Variants in TSHR observed in about 807,000 individuals in gnomAD.
The protein encoded by TSHR is thyrotropin receptor.
TSHR carries 51 observed loss-of-function variants against 64.1 expected under a neutral mutation model. The observed-to-expected ratio is 0.80, with a 90% confidence interval of 0.64 to 1.01. The LOEUF (loss-of-function observed/expected upper bound fraction) is 1.01, where lower values mean the gene tolerates loss of function less well. TSHR is among the 50% of genes least tolerant of loss of function. The pLI is 0.00. For synonymous variants in TSHR, 361 were observed against 361.9 expected, an observed-to-expected ratio of 1.00 and a Z score of 0.03; for missense variants, 877 against 942.8, an observed-to-expected ratio of 0.93 and a Z score of 0.91.
At chr14:81,071,081 G>T (rs914805115) in intron 3 of TSHR, among the ~76,000 whole-genome samples, 1 of 152,174 alleles carries the variant, frequency 6.6e-6, no homozygotes, top group Non-Finnish European at 1.5e-5. Context: ...TCATAAAATT[G>T]TGCAGACTGA....
chr14:81,017,898 C>T (rs917901045), intron 1 of TSHR, among the ~76,000 whole-genome samples: 4 of 148,558 alleles, frequency 2.7e-5, no homozygotes, highest in Admixed American at 6.7e-5. Flanking sequence ...GACATGATCT[C>T]GGCTCATTGC....
At chr14:81,128,454 T>C (rs1243139534) in intron 8 of TSHR, among the ~76,000 whole-genome samples, 5 of 152,234 alleles carry the variant, frequency 3.3e-5, no homozygotes, top group Admixed American at 3.3e-4. Flanking sequence ...AAGATTATTC[T>C]TGCACCTGTT....
At chr14:81,040,225 C>T (rs978812605) in intron 1 of TSHR, among the ~76,000 whole-genome samples, 1 of 151,530 alleles carries the variant, frequency 6.6e-6, no homozygotes. Flanking sequence ...AAAGAAGAGT[C>T]TCTTCAAAAA....
At chr14:81,108,584 G>A (rs753939060) in intron 8 of TSHR, 132 bp downstream of exon 8, 1 of 1,612,924 alleles carries the variant, frequency 6.2e-7, no homozygotes, top group Non-Finnish European at 8.5e-7. Context: ...AAAGGCTTCT[G>A]CAAGTCCCTC....
intron 3 of TSHR, among the ~76,000 whole-genome samples, chr14:81,081,690 T>C (rs1019431745): frequency 2.6e-5 from 4 of 152,262 alleles, no homozygotes; most frequent in South Asian, 4.1e-4. Context: ...ACCTATTTAT[T>C]AGTCTCAGGT....
chr14:81,041,450 T>C (rs578047337), intron 1 of TSHR, among the ~76,000 whole-genome samples: 3 of 152,202 alleles, frequency 2.0e-5, no homozygotes, highest in Admixed American at 2.0e-4. Flanking sequence ...TCCTCAGTTA[T>C]AAGTGGGAAC....
chr14:81,011,196 T>G (rs1889885549), intron 1 of TSHR, among the ~76,000 whole-genome samples: 1 of 149,108 alleles, frequency 6.7e-6, no homozygotes. Flanking sequence ...TCTTTTTCCT[T>G]CCCTTCCTTC....
intron 3 of TSHR, among the ~76,000 whole-genome samples, chr14:81,085,669 C>T (rs558923375): frequency 6.6e-6 from 1 of 152,186 alleles, no homozygotes; most frequent in Non-Finnish European, 1.5e-5. Context: ...CTGACGTTCT[C>T]TTAGACCACT....
chr14:81,139,722 C>T lies in TSHR; in HGVS notation c.736C>T (p.Leu246=), dbSNP rs1189208603. Residue 246 remains leucine, a synonymous_variant, in exon 9 of 10, where the codon CTG becomes TTG. Transcript: ENST00000298171. ...TSVTALPSKG[L]EHLKELIARN... The stretch of plus-strand genomic sequence containing the variant: ...TGTCACTGCCCTTCCATCCAAAGGC[C>T]TGGAGCACCTGAAGGAACTGATAGC... 2 of 1,614,122 alleles carry T rather than the reference C, an allele frequency of 1.2e-6. No homozygotes were observed. Among genetic ancestry groups the T allele is most frequent in the African/African-American group, 1.3e-5 (1 of 74,940 alleles).
chr14:81,142,606 C>CTTTTTTTTTT (rs10711545), intron 9 of TSHR, among the ~76,000 whole-genome samples: 4 of 97,248 alleles, frequency 4.1e-5, no homozygotes, highest in Non-Finnish European at 8.1e-5. Flanking sequence ...AACAAGCATT[C>CTTTTTTTTTT]TTTTTTTTTT....
At position 81,114,703 on chromosome 14, in the gene TSHR, C is replaced by A. The variant is rs540074800; in HGVS notation, c.692+6251C>A. Among the ~76,000 whole-genome samples, 554 of 152,336 alleles carry A rather than the reference C, an allele frequency of 3.6e-3. 8 individuals are homozygous for A. Among genetic ancestry groups the A allele is most frequent in the Middle Eastern group, 0.027 (8 of 294 alleles). Reference sequence around the variant, plus strand: ...ACAGCTCAAGGAGGCCTGCCTGCCTCTGTAGGCTCCACCTCTGGGGGCAGG... The same window carrying A: ...ACAGCTCAAGGAGGCCTGCCTGCCTATGTAGGCTCCACCTCTGGGGGCAGG... On this transcript the variant is annotated intron_variant, in intron 8 of 9. Coordinates refer to ENST00000298171, the MANE Select transcript of TSHR (RefSeq NM_000369.5).
rs551928731 is a variant in TSHR at position 81,041,032 on chromosome 14, T to C, written c.171-21116T>C. Among the ~76,000 whole-genome samples the C allele has an allele frequency of 1.4e-4, 22 of 152,260 alleles. No individual in the cohort carries two copies. The East Asian group carries it at 1.5e-3, about 11-fold the overall frequency. The stretch of plus-strand genomic sequence containing the variant: ...AAAATAACAGATGCTGGTGAGGTTG[T>C]AGAGAAAAAGGAATGCTTTTACACT... On this transcript the variant is annotated intron_variant, in intron 1 of 9. Coordinates refer to ENST00000298171, the MANE Select transcript of TSHR (RefSeq NM_000369.5).
At chr14:81,138,993 A>C (rs1472304718) in intron 8 of TSHR, among the ~76,000 whole-genome samples, 1 of 152,166 alleles carries the variant, frequency 6.6e-6, no homozygotes, top group Admixed American at 6.6e-5. Context: ...ACTGATGTCT[A>C]CATGTTCCCA....
intron 6 of TSHR, chr14:81,094,162 C>T (rs1888976811): frequency 6.6e-6 from 1 of 152,194 alleles, no homozygotes; most frequent in Non-Finnish European, 1.5e-5. Flanking sequence ...GAAGCTCAGG[C>T]TCAAAAAACT....
intron 1 of TSHR, chr14:80,992,953 C>T (rs900133781): frequency 2.0e-5 from 3 of 151,998 alleles, no homozygotes; most frequent in African/African-American, 2.4e-5. Flanking sequence ...CCTTGTGGGT[C>T]GAATCACATT....
intron 1 of TSHR, among the ~76,000 whole-genome samples, chr14:80,957,144 C>T (rs1354732911): frequency 6.6e-6 from 1 of 152,128 alleles, no homozygotes; most frequent in Non-Finnish European, 1.5e-5. Flanking sequence ...CCTTTCTTCC[C>T]ACTTTCTGGC....
intron 8 of TSHR, among the ~76,000 whole-genome samples, chr14:81,114,867 T>C (rs1230485999): frequency 6.6e-6 from 1 of 151,864 alleles, no homozygotes; most frequent in Non-Finnish European, 1.5e-5. Flanking sequence ...AGTGGGTCCC[T>C]GACCCCTGAC....
At chr14:81,006,138 A>T (rs914339923) in intron 1 of TSHR, among the ~76,000 whole-genome samples, 13 of 152,198 alleles carry the variant, frequency 8.5e-5, no homozygotes, top group African/African-American at 3.1e-4. Context: ...GAACAGTTTT[A>T]GGTTTTAAAA....
At chr14:81,081,873 T>C (rs1349648731) in intron 3 of TSHR, among the ~76,000 whole-genome samples, 4 of 152,216 alleles carry the variant, frequency 2.6e-5, no homozygotes, top group Non-Finnish European at 4.4e-5. Context: ...TATATTCTAA[T>C]TAATCTCTTC....
Sources: allele counts gnomAD v4.1 joint callset (sites outside exome capture counted in the v4.1 genomes callset), GRCh38; gene constraint gnomAD v4.1.1; transcripts MANE v1.5; gene names NCBI Gene and HGNC (gene_info 2026-07-23, HGNC 2026-07-21).